Variants in SEMA5B observed in about 807,000 individuals in gnomAD.
The protein encoded by SEMA5B is semaphorin 5B.
Under a neutral mutation model 135.0 loss-of-function variants are expected in SEMA5B, and 66 were observed. That is an observed-to-expected ratio of 0.49 (90% CI 0.40 to 0.60). The LOEUF (loss-of-function observed/expected upper bound fraction) is 0.60. Ranked by LOEUF, SEMA5B falls within the 20% of genes least tolerant of loss-of-function variation. The pLI is 0.00. For synonymous variants in SEMA5B, 690 were observed against 639.5 expected (o/e 1.08, Z -1.19); for missense variants, 1,501 against 1,566.3 (o/e 0.96, Z 0.70).
intron 2 of SEMA5B, among the ~76,000 whole-genome samples, chr3:122,951,284 T>C (rs755138684): frequency 7.2e-5 from 11 of 152,240 alleles, no homozygotes; most frequent in Non-Finnish European, 8.8e-5. Context: ...TTATATTTGC[T>C]TATATTAGCA....
At chr3:122,919,944 A>G (rs1271482437) in intron 12 of SEMA5B, among the ~76,000 whole-genome samples, 1 of 152,126 alleles carries the variant, frequency 6.6e-6, no homozygotes, top group Non-Finnish European at 1.5e-5. Context: ...ATGTGAGCGC[A>G]GGCCTCCCTA....
At chr3:122,986,061 T>C (rs1941686220) in intron 1 of SEMA5B, among the ~76,000 whole-genome samples, 1 of 152,224 alleles carries the variant, frequency 6.6e-6, no homozygotes, top group Admixed American at 6.5e-5. Context: ...TTTAAAGGTT[T>C]CCCTCTCCTT....
In SEMA5B at chr3:122,972,941, A is replaced by T. The variant is rs532480261; in HGVS notation, c.-38-11640T>A. Among the ~76,000 whole-genome samples the T allele has an allele frequency of 1.1e-4, 16 of 152,290 alleles. No homozygotes were observed. The South Asian group carries it at 2.3e-3, about 22-fold the overall frequency. Reference sequence around the variant, plus strand: ...CTCCCAGAAACACTCTTATTCCCCAAGTCAAGCCGTGATGGCTCACACTGG... The same window carrying T: ...CTCCCAGAAACACTCTTATTCCCCATGTCAAGCCGTGATGGCTCACACTGG... On this transcript the variant is annotated intron_variant, in intron 1 of 22. Transcript: ENST00000357599.
chr3:122,927,743 G>A (rs752509847), intron 8 of SEMA5B, 47 bp downstream of exon 8: 2 of 1,330,524 alleles, frequency 1.5e-6, no homozygotes, highest in Non-Finnish European at 2.0e-6. Flanking sequence ...GGGCTGGTGG[G>A]CTCAAAACCA....
At position 122,913,191 on chromosome 3, in the gene SEMA5B, CG is replaced by C; in HGVS notation, c.2506+7del. ...GAGAGGAAGGAGGGGGCGCCGGGCG[CG>C]GGGTACCGTCGGTGTCGCAGGAGCC... On this transcript the variant is annotated splice_region_variant and intron_variant, in intron 17 of 22. Transcript: ENST00000357599. 6.4e-7 allele frequency: 1 copy of C among 1,551,730 alleles called. No individual in the cohort carries two copies. Among genetic ancestry groups the C allele is most frequent in the Non-Finnish European group, 8.6e-7 (1 of 1,159,000 alleles).
intron 6 of SEMA5B, 134 bp downstream of exon 6, chr3:122,928,862 C>A: frequency 1.1e-6 from 1 of 892,536 alleles, no homozygotes; most frequent in Non-Finnish European, 1.7e-6. Flanking sequence ...CCTCACCTGC[C>A]CAAGGAGCCC....
chr3:122,915,647 C>T, intron 13 of SEMA5B, 26 bp from the exon 14 acceptor site: 1 of 1,601,126 alleles, frequency 6.2e-7, no homozygotes, highest in Non-Finnish European at 8.5e-7. Flanking sequence ...GGAGACAGTA[C>T]CCCTATTACC....
chr3:123,022,733 C>G (rs528610006), intron 1 of SEMA5B, among the ~76,000 whole-genome samples: 1 of 152,332 alleles, frequency 6.6e-6, no homozygotes, highest in African/African-American at 2.4e-5. Flanking sequence ...GTCCCCCACT[C>G]AAATCAGGAC....
chr3:122,915,757 A>C lies in SEMA5B; in HGVS notation c.1806+16T>G. 6.2e-7 allele frequency: 1 copy of C among 1,612,272 alleles called. No individual in the cohort carries two copies. Among genetic ancestry groups the C allele is most frequent in the Non-Finnish European group, 8.5e-7 (1 of 1,178,286 alleles). On this transcript the variant is annotated intron_variant, in intron 13 of 22. Transcript: ENST00000357599. The stretch of plus-strand genomic sequence containing the variant: ...AAGGAGGGGTCTGAGATGGGAGGAC[A>C]CAAGGGGATTCTCACAGGACAGGCG...
chr3:122,998,681 C>G (rs1004010834), intron 1 of SEMA5B, among the ~76,000 whole-genome samples: 1 of 152,148 alleles, frequency 6.6e-6, no homozygotes, highest in Non-Finnish European at 1.5e-5. Context: ...TGACTTCATC[C>G]CTGACTCCTG....
chr3:123,023,621 G>T (rs1576415183), intron 1 of SEMA5B, among the ~76,000 whole-genome samples: 1 of 152,260 alleles, frequency 6.6e-6, no homozygotes, highest in East Asian at 1.9e-4. Context: ...AAGGTGATGG[G>T]ATCCTAGCCC....
chr3:122,940,740 G>A (rs1203917968), intron 4 of SEMA5B, among the ~76,000 whole-genome samples: 3 of 152,136 alleles, frequency 2.0e-5, no homozygotes, highest in African/African-American at 7.2e-5. Flanking sequence ...CTTCTTTGCT[G>A]TCCTGGGGCT....
At chr3:123,010,025 A>G (rs1942400167) in intron 1 of SEMA5B, among the ~76,000 whole-genome samples, 1 of 152,190 alleles carries the variant, frequency 6.6e-6, no homozygotes, top group Non-Finnish European at 1.5e-5. Context: ...CGGGAGCCCT[A>G]AAAAATATGC....
chr3:122,911,656 G>T, intron 20 of SEMA5B, 121 bp from the exon 21 acceptor site: 2 of 1,080,250 alleles, frequency 1.9e-6, no homozygotes, highest in East Asian at 4.9e-5. Context: ...CTAGGTAGGC[G>T]TGGGGGCCTT....
chr3:122,940,207 G>T (rs1939492159), intron 4 of SEMA5B, among the ~76,000 whole-genome samples: 1 of 152,192 alleles, frequency 6.6e-6, no homozygotes. Flanking sequence ...TAGTAATAAT[G>T]ATATCAGACA....
chr3:122,940,783 C>T (rs1040890818), intron 4 of SEMA5B, among the ~76,000 whole-genome samples: 2 of 152,214 alleles, frequency 1.3e-5, no homozygotes, highest in African/African-American at 4.8e-5. Flanking sequence ...TGGCTCCAGG[C>T]CTCTGCTGTC....
rs3080430 is a variant in SEMA5B, at chr3:123,023,322, GCACACACA to G, written c.-39+4134_-39+4141del. 2.4e-3 allele frequency among the ~76,000 whole-genome samples: 343 copies of G among 144,034 alleles called. 2 individuals carry two copies. Among genetic ancestry groups the G allele is most frequent in the African/African-American group, 8.3e-3 (327 of 39,478 alleles). 94.5% of individuals were successfully genotyped at this position (144,034 alleles called of 152,430 possible). On this transcript the variant is annotated intron_variant, in intron 1 of 22. Transcript: ENST00000357599. Reference sequence around the variant, plus strand: ...CATTCATTAGAAGTAACTATTTCCAGCACACACACACACACACACACACACACACACAC... The same window carrying G: ...CATTCATTAGAAGTAACTATTTCCAGCACACACACACACACACACACACAC...
At chr3:122,911,838 G>C in intron 20 of SEMA5B, 82 bp downstream of exon 20, 2 of 1,467,672 alleles carry the variant, frequency 1.4e-6, no homozygotes, top group Non-Finnish European at 1.8e-6. Context: ...CTCCCCACCA[G>C]GACACAAGCT....
At chr3:123,016,216 G>C (rs896047879) in intron 1 of SEMA5B, among the ~76,000 whole-genome samples, 12 of 152,334 alleles carry the variant, frequency 7.9e-5, no homozygotes, top group African/African-American at 2.9e-4. Context: ...CCTACACCCA[G>C]ACCTCTCTTT....
Sources: gnomAD v4.1 joint callset for allele counts (sites outside exome capture counted in the v4.1 genomes callset) on GRCh38, gnomAD v4.1.1 for gene constraint, MANE v1.5 for transcripts, NCBI Gene and HGNC (gene_info 2026-07-23, HGNC 2026-07-21) for gene names.